Variants in KCNQ2 observed in about 807,000 individuals in gnomAD.
The protein encoded by KCNQ2 is potassium voltage-gated channel subfamily Q member 2.
A neutral mutation model predicts 84.8 loss-of-function variants in KCNQ2; 14 were observed. The ratio of observed to expected loss-of-function variants is 0.17; its 90% CI spans 0.11 to 0.26. The LOEUF is 0.26. Among genes scored for constraint, KCNQ2 ranks in the 10% least tolerant of loss-of-function variants. KCNQ2 has a pLI of 1.00. For synonymous variants in KCNQ2, 599 were observed against 554.1 expected (o/e 1.08, Z -1.14); for missense variants, 788 against 1,254.0 (o/e 0.63, Z 5.61).
At chr20:63,430,354 CG>C (rs2080756297) in intron 9 of KCNQ2, among the ~76,000 whole-genome samples, 1 of 152,076 alleles carries the variant, frequency 6.6e-6, no homozygotes, top group South Asian at 2.1e-4. Context: ...CTGAGCATGT[CG>C]GGGGCAGAGG....
At chr20:63,471,472 G>C (rs1006782070) in intron 1 of KCNQ2, among the ~76,000 whole-genome samples, 1 of 152,144 alleles carries the variant, frequency 6.6e-6, no homozygotes, top group African/African-American at 2.4e-5. Flanking sequence ...CCCGGGCCTC[G>C]CTCTGCCAAG....
Position 63,407,396 on chromosome 20 carries a change from C to T in KCNQ2, c.1888-21G>A, listed in dbSNP as rs1479715418. Reference sequence around the variant, plus strand: ...AAGACCTGCAAAAGGGGCTGCTGGGCTGGGGTGCGAGGGCCCGTCCCAGGA... The same window carrying T: ...AAGACCTGCAAAAGGGGCTGCTGGGTTGGGGTGCGAGGGCCCGTCCCAGGA... On this transcript the variant is annotated intron_variant, in intron 16 of 16. Coordinates refer to ENST00000359125, the MANE Select transcript of KCNQ2 (RefSeq NM_172107.4). The surrounding 1 kb of genome is among the most constrained non-coding windows in gnomAD (Gnocchi z 7.2). 1 of 1,597,348 alleles carries T rather than the reference C, an allele frequency of 6.3e-7. No homozygotes were observed. The highest frequency in any genetic ancestry group is 8.5e-7 in the Non-Finnish European group (1 of 1,179,398).
Position 63,472,427 on chromosome 20 carries a change from CG to C in KCNQ2, c.36del (p.Gly13AlafsTer8). The C allele has an allele frequency of 6.5e-7, 1 of 1,536,354 alleles. No homozygotes were observed. Among genetic ancestry groups the C allele is most frequent in the Non-Finnish European group, 8.7e-7 (1 of 1,147,128 alleles). On this transcript the variant is annotated frameshift_variant, in exon 1 of 17. Transcript: ENST00000359125. LOFTEE classifies it high-confidence loss of function. ...VQKSRNGGVY[P>X]GPSGEKKLKV... ...TTCAGCTTCTTCTCCCCGCTCGGGC[CG>C]GGGTATACGCCGCCGTTGCGCGACT...
intron 4 of KCNQ2, among the ~76,000 whole-genome samples, chr20:63,444,059 CA>C (rs2081342711): frequency 6.6e-6 from 1 of 152,240 alleles, no homozygotes; most frequent in Non-Finnish European, 1.5e-5. Context: ...GCCCATTCTG[CA>C]GACAAAGCCA....
intron 4 of KCNQ2, among the ~76,000 whole-genome samples, chr20:63,443,288 AT>A (rs1312303420): frequency 1.4e-5 from 1 of 73,192 alleles, no homozygotes; most frequent in African/African-American, 6.0e-5. Flanking sequence ...CACCATCACC[AT>A]CATCACCACC....
Position 63,415,009 on chromosome 20 carries a change from G to A in KCNQ2, c.1419C>T (p.Leu473=), listed in dbSNP as rs370155790. 3.3e-4 allele frequency: 526 copies of A among 1,610,986 alleles called. No individual in the cohort carries two copies. Among genetic ancestry groups the A allele is most frequent in the Admixed American group, 7.5e-4 (45 of 60,018 alleles). The change falls in exon 13 of 17, where the codon CTC becomes CTT. Residue 473 remains leucine, a synonymous_variant. Transcript: ENST00000359125. ...VRRSPSADQS[L]EDSPSKVPKS... Reference sequence around the variant, plus strand: ...TGGGCACCTTGCTGGGGCTGTCCTCGAGGCTCTGGTCGGCGCTGGGTGACC... The same window carrying A: ...TGGGCACCTTGCTGGGGCTGTCCTCAAGGCTCTGGTCGGCGCTGGGTGACC...
chr20:63,468,129 C>T lies in KCNQ2; in HGVS notation c.296+4039G>A, dbSNP rs554526633. 2.0e-4 allele frequency among the ~76,000 whole-genome samples: 30 copies of T among 152,298 alleles called. 1 individual carries two copies. In the South Asian group the frequency reaches 3.3e-3, roughly 17 times the overall value. Reference sequence around the variant, plus strand: ...GGGGCAGAAATCCTGCGAGGAAGCCCGAGACCTCCCAAGGGGTCCAGGAAC... The same window carrying T: ...GGGGCAGAAATCCTGCGAGGAAGCCTGAGACCTCCCAAGGGGTCCAGGAAC... On this transcript the variant is annotated intron_variant, in intron 1 of 16. Transcript: ENST00000359125.
chr20:63,462,220 T>G (rs1424018764), intron 1 of KCNQ2, among the ~76,000 whole-genome samples: 8 of 115,320 alleles, frequency 6.9e-5, no homozygotes, highest in South Asian at 3.0e-4. Flanking sequence ...GGGAGGAGGC[T>G]GCATCTACCC....
intron 5 of KCNQ2, among the ~76,000 whole-genome samples, chr20:63,440,724 G>A (rs67561917): frequency 0.11 from 16,438 of 152,204 alleles, 1,150 homozygotes; most frequent in Non-Finnish European, 0.15. Flanking sequence ...AGGGTGGGCC[G>A]GCTGGGCCGC....
chr20:63,441,968 G>C (rs1368732720), intron 5 of KCNQ2, among the ~76,000 whole-genome samples: 1 of 152,136 alleles, frequency 6.6e-6, no homozygotes, highest in Non-Finnish European at 1.5e-5. Flanking sequence ...AGGTGAGGAG[G>C]AGCCCAGGGG....
chr20:63,451,144 A>T (rs893122664), intron 1 of KCNQ2, among the ~76,000 whole-genome samples: 1 of 151,638 alleles, frequency 6.6e-6, no homozygotes, highest in Non-Finnish European at 1.5e-5. Flanking sequence ...TCCCAAAAAA[A>T]AAAAAAAAAG....
At chr20:63,424,478 C>T (rs999863624) in intron 10 of KCNQ2, 1 of 547,970 alleles carries the variant, frequency 1.8e-6, no homozygotes, top group Admixed American at 3.2e-5. Flanking sequence ...GGGTCTCTAC[C>T]CCTCCACATT....
At chr20:63,454,912 C>T (rs2081732022) in intron 1 of KCNQ2, among the ~76,000 whole-genome samples, 1 of 152,240 alleles carries the variant, frequency 6.6e-6, no homozygotes, top group African/African-American at 2.4e-5. Flanking sequence ...GGGGCCATCA[C>T]CACCTCAGAC....
chr20:63,413,948 T>C (rs1015041808), intron 14 of KCNQ2, 140 bp downstream of exon 14: 1 of 700,964 alleles, frequency 1.4e-6, no homozygotes, highest in East Asian at 2.7e-5. Flanking sequence ...GGTCCACCCG[T>C]GTCTTAGCCC....
At chr20:63,439,324 A>C (rs546761951) in intron 6 of KCNQ2, among the ~76,000 whole-genome samples, 1 of 152,312 alleles carries the variant, frequency 6.6e-6, no homozygotes. Flanking sequence ...ACTCAGACTA[A>C]GAGGGGCCAC....
At chr20:63,470,141 C>T (rs1398661255) in intron 1 of KCNQ2, among the ~76,000 whole-genome samples, 2 of 152,234 alleles carry the variant, frequency 1.3e-5, no homozygotes, top group African/African-American at 2.4e-5. Flanking sequence ...TGCTCTCCAG[C>T]CCCGCCGCTT....
intron 1 of KCNQ2, among the ~76,000 whole-genome samples, chr20:63,454,565 T>A (rs1185415273): frequency 1.3e-5 from 2 of 152,344 alleles, no homozygotes; most frequent in East Asian, 3.9e-4. Flanking sequence ...CCAAACGCAC[T>A]GGCCAGCCAT....
intron 1 of KCNQ2, among the ~76,000 whole-genome samples, chr20:63,468,818 C>T (rs1240255523): frequency 6.6e-6 from 1 of 152,238 alleles, no homozygotes; most frequent in Non-Finnish European, 1.5e-5. Context: ...GGCTGGGCTG[C>T]TGGCAAGATC....
chr20:63,439,862 G>A, intron 5 of KCNQ2, 154 bp from the exon 6 acceptor site: 1 of 690,004 alleles, frequency 1.4e-6, no homozygotes, highest in South Asian at 1.5e-5. Flanking sequence ...GCCAGGGTCG[G>A]TGTCGGCCGC....
Sources: allele counts gnomAD v4.1 joint callset (sites outside exome capture counted in the v4.1 genomes callset), GRCh38; gene constraint gnomAD v4.1.1; non-coding constraint Gnocchi (gnomAD v3.1); transcripts MANE v1.5; gene names NCBI Gene and HGNC (gene_info 2026-07-23, HGNC 2026-07-21).